Variants in SENP1 observed in about 807,000 individuals in gnomAD.
SENP1 encodes sentrin-specific protease 1.
SENP1 carries 21 observed loss-of-function variants against 93.0 expected under a neutral mutation model. The ratio of observed to expected loss-of-function variants is 0.23; its 90% confidence interval spans 0.16 to 0.33. The LOEUF (loss-of-function observed/expected upper bound fraction) is 0.33, where lower values mean the gene tolerates loss of function less well. Ranked by LOEUF, SENP1 falls within the 10% of genes least tolerant of loss-of-function variation. The pLI is 1.00. For missense variants in SENP1, 591 were observed against 758.7 expected, an observed-to-expected ratio of 0.78 and a Z score of 2.60; for synonymous variants, 256 against 259.6, an observed-to-expected ratio of 0.99 and a Z score of 0.13.
At chr12:48,059,696 T>A (rs770381600) in intron 13 of SENP1, among the ~76,000 whole-genome samples, 3 of 152,052 alleles carry the variant, frequency 2.0e-5, no homozygotes, top group Non-Finnish European at 4.4e-5. Context: ...GAATTCGTTG[T>A]ATTCCTTTAA....
intron 9 of SENP1, among the ~76,000 whole-genome samples, chr12:48,067,781 T>G (rs899029486): frequency 6.6e-6 from 1 of 151,780 alleles, no homozygotes; most frequent in African/African-American, 2.4e-5. Flanking sequence ...AAGACCAGCC[T>G]GGGCAACATA....
intron 17 of SENP1, 68 bp downstream of exon 17, chr12:48,046,288 G>C: frequency 9.2e-7 from 1 of 1,092,106 alleles, no homozygotes; most frequent in Non-Finnish European, 1.4e-6. Context: ...CAACTGGAGA[G>C]AAAAACATCT....
At chr12:48,066,878 C>A in intron 10 of SENP1, 49 bp downstream of exon 10, 2 of 1,384,516 alleles carry the variant, frequency 1.4e-6, no homozygotes, top group South Asian at 1.3e-5. Context: ...TTTCTTCTAA[C>A]TAAAAATGAA....
chr12:48,081,033 T>G (rs977459093), intron 6 of SENP1, among the ~76,000 whole-genome samples: 1 of 151,978 alleles, frequency 6.6e-6, no homozygotes, highest in African/African-American at 2.4e-5. Context: ...GAAGGCTGAG[T>G]GGTCCACAGA....
At chr12:48,078,528 CT>C (rs1202490164) in intron 6 of SENP1, among the ~76,000 whole-genome samples, 37 of 146,350 alleles carry the variant, frequency 2.5e-4, no homozygotes, top group South Asian at 2.2e-4. Context: ...AATCTTATTT[CT>C]TTTTTTTTTG....
At chr12:48,099,936 C>A (rs1389815811) in intron 2 of SENP1, among the ~76,000 whole-genome samples, 1 of 152,074 alleles carries the variant, frequency 6.6e-6, no homozygotes, top group Non-Finnish European at 1.5e-5. Flanking sequence ...ATTTTTGATA[C>A]CTTTGTTACT....
At chr12:48,100,070 A>T (rs1945820423) in intron 2 of SENP1, among the ~76,000 whole-genome samples, 1 of 152,216 alleles carries the variant, frequency 6.6e-6, no homozygotes, top group Admixed American at 6.5e-5. Flanking sequence ...GAAAAGGAAA[A>T]CACAGAATAG....
chr12:48,072,623 CAAACAAAAACAA>C (rs765377422), intron 8 of SENP1, among the ~76,000 whole-genome samples: 12 of 152,052 alleles, frequency 7.9e-5, no homozygotes, highest in Admixed American at 2.6e-4. Context: ...GTCTCAAAAA[CAAACAAAAACAA>C]AAACAAAAAC....
intron 10 of SENP1, among the ~76,000 whole-genome samples, 156 bp downstream of exon 10, chr12:48,066,771 C>G (rs1943332039): frequency 6.6e-6 from 1 of 152,214 alleles, no homozygotes; most frequent in South Asian, 2.1e-4. Context: ...CTCAGCCTCC[C>G]AAAATGCTGG....
intron 15 of SENP1, among the ~76,000 whole-genome samples, chr12:48,047,763 T>G (rs1451320648): frequency 6.6e-6 from 1 of 152,224 alleles, no homozygotes; most frequent in Non-Finnish European, 1.5e-5. Context: ...CTAAGTAGCA[T>G]CTATATCTTT....
intron 9 of SENP1, among the ~76,000 whole-genome samples, chr12:48,067,782 G>A (rs993311567): frequency 6.6e-6 from 1 of 151,782 alleles, no homozygotes; most frequent in African/African-American, 2.4e-5. Flanking sequence ...AGACCAGCCT[G>A]GGCAACATAG....
chr12:48,060,724 A>T (rs1338873493), intron 13 of SENP1, among the ~76,000 whole-genome samples: 2 of 152,216 alleles, frequency 1.3e-5, no homozygotes, highest in Non-Finnish European at 2.9e-5. Flanking sequence ...TTCGGATTAC[A>T]GGCATGAGCC....
chr12:48,072,203 T>G (rs1057256816), intron 8 of SENP1, among the ~76,000 whole-genome samples: 9 of 152,222 alleles, frequency 5.9e-5, no homozygotes, highest in African/African-American at 2.2e-4. Flanking sequence ...AAAATCTCTA[T>G]CCAGCTCTAT....
chr12:48,081,129 G>A (rs1228091349), intron 6 of SENP1, among the ~76,000 whole-genome samples: 1 of 152,152 alleles, frequency 6.6e-6, no homozygotes, highest in Admixed American at 6.6e-5. Context: ...GGGCAGGCGA[G>A]GGTTAGGAGC....
At chr12:48,094,016 T>C (rs1945392605) in intron 4 of SENP1, among the ~76,000 whole-genome samples, 1 of 152,162 alleles carries the variant, frequency 6.6e-6, no homozygotes, top group Admixed American at 6.5e-5. Flanking sequence ...TGTCAAATCA[T>C]GCAATGTGTA....
chr12:48,073,348 ATG>A (rs1396244984), intron 8 of SENP1, among the ~76,000 whole-genome samples: 1 of 151,378 alleles, frequency 6.6e-6, no homozygotes, highest in Non-Finnish European at 1.5e-5. Context: ...CTTCATGGAT[ATG>A]TGTAGCTATA....
intron 9 of SENP1, among the ~76,000 whole-genome samples, chr12:48,070,871 C>T (rs998956347): frequency 1.3e-5 from 2 of 152,112 alleles, no homozygotes; most frequent in Non-Finnish European, 2.9e-5. Context: ...TTAGGAGGAT[C>T]GCTTGAGGCT....
At position 48,044,357 on chromosome 12, in the gene SENP1, CATATATAT is replaced by C. The variant is rs35521150; in HGVS notation, c.*957_*964del. ...ATATCCCTGTGAAATTTTATACATACATATATATATATATATATGTATGTGTATATATA... is the reference window on the plus strand; with the variant it reads ...ATATCCCTGTGAAATTTTATACATACATATATATATGTATGTGTATATATA... On this transcript the variant is annotated 3_prime_UTR_variant, in exon 18 of 18. Transcript: ENST00000549518. The C allele has an allele frequency of 7.2e-6, 1 of 138,580 alleles. No individual in the cohort carries two copies. Among genetic ancestry groups the C allele is most frequent in the South Asian group, 2.3e-4 (1 of 4,348 alleles). The allele number at this position is 138,580 out of a possible 1,614,324, so 8.6% of individuals were successfully genotyped here.
chr12:48,076,179 T>C (rs529159802), intron 6 of SENP1, among the ~76,000 whole-genome samples: 2 of 152,374 alleles, frequency 1.3e-5, no homozygotes, highest in African/African-American at 4.8e-5. Context: ...TACAGTTTAA[T>C]ACAACCACCA....
Sources: gnomAD v4.1 joint callset for allele counts (sites outside exome capture counted in the v4.1 genomes callset) on GRCh38, gnomAD v4.1.1 for gene constraint, MANE v1.5 for transcripts, NCBI Gene and HGNC (gene_info 2026-07-23, HGNC 2026-07-21) for gene names.